The following KCND2 variants were observed in gnomAD, a reference collection of about 807,000 sequenced individuals.
The protein encoded by KCND2 is A-type voltage-gated potassium channel KCND2.
In KCND2, 16 loss-of-function variants were observed where a neutral mutation model predicts 54.4. The ratio of observed to expected loss-of-function variants is 0.29; its 90% CI spans 0.20 to 0.45. KCND2 has a LOEUF of 0.45. Among genes scored for constraint, KCND2 ranks in the 20% least tolerant of loss-of-function variants. The probability of loss-of-function intolerance (pLI) is 1.00; values close to 1 mark genes in which losing one functional copy is unlikely to be tolerated. For missense variants in KCND2, 486 were observed against 824.2 expected, an observed-to-expected ratio of 0.59 and a Z score of 5.02; for synonymous variants, 317 against 310.7, an observed-to-expected ratio of 1.02 and a Z score of -0.21.
rs190077421 is a variant in KCND2 at position 120,591,826 on chromosome 7, C to A, written c.1116-141077C>A. Among the ~76,000 whole-genome samples the A allele has an allele frequency of 2.5e-3, 387 of 152,244 alleles. 3 individuals carry two copies. The highest frequency in any genetic ancestry group is 9.0e-3 in the African/African-American group (374 of 41,542). ...GGTACTTGCCACTATGTGTGAAATA[C>A]AGTAAATCTTGGCCATTATTATTAA... On this transcript the variant is annotated intron_variant, in intron 1 of 5. Transcript: ENST00000331113.
chr7:120,693,160 A>G (rs907900470), intron 1 of KCND2, among the ~76,000 whole-genome samples: 13 of 152,230 alleles, frequency 8.5e-5, no homozygotes, highest in Non-Finnish European at 1.5e-4. Context: ...AGCTTAATAT[A>G]CCAAAACATA....
chr7:120,411,396 G>T (rs1181851443), intron 1 of KCND2, among the ~76,000 whole-genome samples: 1 of 151,428 alleles, frequency 6.6e-6, no homozygotes, highest in Admixed American at 6.6e-5. Flanking sequence ...TTCAGATCCA[G>T]ATTTTGGTGG....
At chr7:120,734,151 T>C (rs1343922367) in intron 2 of KCND2, among the ~76,000 whole-genome samples, 2 of 152,058 alleles carry the variant, frequency 1.3e-5, no homozygotes, top group African/African-American at 4.8e-5. Context: ...CAGAAACAAT[T>C]GTACTGATTA....
At chr7:120,675,624 G>A (rs1792050638) in intron 1 of KCND2, among the ~76,000 whole-genome samples, 1 of 152,126 alleles carries the variant, frequency 6.6e-6, no homozygotes, top group Non-Finnish European at 1.5e-5. Context: ...GAGTTATAGA[G>A]AGACTTCCTG....
At chr7:120,526,765 C>T (rs1791781664) in intron 1 of KCND2, among the ~76,000 whole-genome samples, 1 of 152,044 alleles carries the variant, frequency 6.6e-6, no homozygotes, top group South Asian at 2.1e-4. Flanking sequence ...GTTTTAAATG[C>T]TATGATACTC....
chr7:120,337,617 A>G (rs1272445178), intron 1 of KCND2, among the ~76,000 whole-genome samples: 1 of 152,206 alleles, frequency 6.6e-6, no homozygotes, highest in Admixed American at 6.5e-5. Flanking sequence ...TGTAACTTTA[A>G]CTTTCTAGAT....
At chr7:120,417,132 C>T in intron 1 of KCND2, among the ~76,000 whole-genome samples, 1 of 152,210 alleles carries the variant, frequency 6.6e-6, no homozygotes, top group South Asian at 2.1e-4. Context: ...CAGGTGTGAG[C>T]TACTGCAGCC....
chr7:120,629,268 AC>A (rs1244540776), intron 1 of KCND2, among the ~76,000 whole-genome samples: 1 of 152,222 alleles, frequency 6.6e-6, no homozygotes, highest in Non-Finnish European at 1.5e-5. Context: ...CAGGCGGATC[AC>A]GAGGTCAGGA....
At chr7:120,498,500 C>T (rs193095906) in intron 1 of KCND2, among the ~76,000 whole-genome samples, 211 of 151,138 alleles carry the variant, frequency 1.4e-3, no homozygotes, top group African/African-American at 4.8e-3. Flanking sequence ...CTCGACTGGG[C>T]GTGGTGGCTC....
intron 1 of KCND2, among the ~76,000 whole-genome samples, chr7:120,402,085 G>T (rs1029415795): frequency 3.3e-5 from 5 of 152,158 alleles, no homozygotes; most frequent in Admixed American, 6.6e-5. Context: ...AACGGAAAAT[G>T]AGTTCAGAAT....
intron 1 of KCND2, among the ~76,000 whole-genome samples, chr7:120,674,483 T>A (rs1203579513): frequency 6.6e-6 from 1 of 152,066 alleles, no homozygotes; most frequent in Non-Finnish European, 1.5e-5. Flanking sequence ...GAAGAATAAA[T>A]GAATGAATGA....
chr7:120,451,732 C>G (rs1043929814), intron 1 of KCND2, among the ~76,000 whole-genome samples: 3 of 152,216 alleles, frequency 2.0e-5, no homozygotes, highest in African/African-American at 7.2e-5. Context: ...CACTACCAAT[C>G]AATCTGCACT....
At chr7:120,309,474 T>TATATATATATATAC (rs1257702636) in intron 1 of KCND2, among the ~76,000 whole-genome samples, 81 of 113,254 alleles carry the variant, frequency 7.2e-4, no homozygotes, top group African/African-American at 2.6e-3. Context: ...TATATATATA[T>TATATATATATATAC]ACACACACAC....
At chr7:120,439,376 AT>A (rs2116189699) in intron 1 of KCND2, among the ~76,000 whole-genome samples, 1 of 152,122 alleles carries the variant, frequency 6.6e-6, no homozygotes, top group South Asian at 2.1e-4. Context: ...TTTTATTTTT[AT>A]TTGAAATGAA....
intron 1 of KCND2, among the ~76,000 whole-genome samples, chr7:120,593,835 C>T (rs1329587040): frequency 6.6e-6 from 1 of 152,072 alleles, no homozygotes; most frequent in African/African-American, 2.4e-5. Context: ...TCTGGCCCTT[C>T]ACTCCAATTA....
chr7:120,277,435 C>T lies in KCND2; in HGVS notation c.1115+1688C>T, dbSNP rs568739126. Among the ~76,000 whole-genome samples the T allele has an allele frequency of 7.2e-5, 11 of 151,840 alleles. No homozygotes were observed. The East Asian group carries it at 9.7e-4, about 13-fold the overall frequency. On this transcript the variant is annotated intron_variant, in intron 1 of 5. Transcript: ENST00000331113. ...TGGGTAGTGCAAATCACCATCATGA[C>T]GTCAAATTAGAAGTACACTTGAATA...
chr7:120,578,940 ACG>A (rs1404643369), intron 1 of KCND2, among the ~76,000 whole-genome samples: 13 of 150,458 alleles, frequency 8.6e-5, no homozygotes, highest in Admixed American at 1.3e-4. Context: ...ACACACACAC[ACG>A]CACACAAAGA....
intron 1 of KCND2, among the ~76,000 whole-genome samples, chr7:120,394,339 G>A (rs1034140642): frequency 5.9e-5 from 9 of 151,912 alleles, no homozygotes; most frequent in Non-Finnish European, 1.3e-4. Flanking sequence ...TCTACCTCTT[G>A]CTGGAGGGGC....
chr7:120,640,466 A>G (rs1278690599), intron 1 of KCND2, among the ~76,000 whole-genome samples: 5 of 152,188 alleles, frequency 3.3e-5, no homozygotes, highest in African/African-American at 1.2e-4. Context: ...CCGTATATTT[A>G]AAGGATTTAT....
Sources: gnomAD v4.1 joint callset for allele counts (sites outside exome capture counted in the v4.1 genomes callset) on GRCh38, gnomAD v4.1.1 for gene constraint, MANE v1.5 for transcripts, NCBI Gene and HGNC (gene_info 2026-07-23, HGNC 2026-07-21) for gene names.